The following ROR2 variants were observed in gnomAD, a reference collection of about 807,000 sequenced individuals.
ROR2 encodes ROR family WNT receptor 2.
In ROR2, 33 loss-of-function variants were observed where a neutral mutation model predicts 74.9. That is an observed-to-expected ratio of 0.44 (90% CI 0.33 to 0.59). The LOEUF (loss-of-function observed/expected upper bound fraction) is 0.59, where lower values mean the gene tolerates loss of function less well. ROR2 is among the 20% of genes least tolerant of loss of function. The pLI, the probability that ROR2 is intolerant of heterozygous loss-of-function variation, is 0.02. For missense variants in ROR2, 1,216 were observed against 1,313.8 expected, an observed-to-expected ratio of 0.93 and a Z score of 1.15; for synonymous variants, 586 against 558.7, an observed-to-expected ratio of 1.05 and a Z score of -0.69.
intron 1 of ROR2, among the ~76,000 whole-genome samples, chr9:91,829,009 T>G (rs1187211890): frequency 6.6e-6 from 1 of 152,220 alleles, no homozygotes; most frequent in Non-Finnish European, 1.5e-5. Context: ...CTATTTTAAA[T>G]GGCTAAATGA....
At chr9:91,874,457 T>C (rs1248410315) in intron 1 of ROR2, among the ~76,000 whole-genome samples, 2 of 152,202 alleles carry the variant, frequency 1.3e-5, no homozygotes, top group Non-Finnish European at 2.9e-5. Context: ...CTAGAAAAAC[T>C]AAGTTGGCTT....
At chr9:91,756,396 G>A (rs919477361) in intron 3 of ROR2, among the ~76,000 whole-genome samples, 1 of 152,220 alleles carries the variant, frequency 6.6e-6, no homozygotes, top group African/African-American at 2.4e-5. Context: ...ATGATCGGAT[G>A]GCGTGGGCTT....
intron 4 of ROR2, among the ~76,000 whole-genome samples, chr9:91,749,193 A>G (rs1321287575): frequency 6.6e-6 from 1 of 152,218 alleles, no homozygotes; most frequent in Non-Finnish European, 1.5e-5. Context: ...AAATAACAGG[A>G]AAGATAATTT....
chr9:91,874,883 T>C (rs62565674), intron 1 of ROR2, among the ~76,000 whole-genome samples: 38,111 of 150,642 alleles, frequency 0.25, 5,206 homozygotes, highest in Admixed American at 0.42. Flanking sequence ...TGCAGTGAGC[T>C]GAGATCGCCA....
At chr9:91,821,496 G>A (rs1369298834) in intron 1 of ROR2, among the ~76,000 whole-genome samples, 1 of 152,002 alleles carries the variant, frequency 6.6e-6, no homozygotes, top group Non-Finnish European at 1.5e-5. Context: ...TGCTCCCTCA[G>A]CAACACCTGC....
intron 1 of ROR2, among the ~76,000 whole-genome samples, chr9:91,788,541 GAA>G (rs535562671): frequency 7.1e-6 from 1 of 141,688 alleles, no homozygotes; most frequent in Non-Finnish European, 1.5e-5. Context: ...TAGTGTTGGG[GAA>G]AAAAAAAAAA....
At chr9:91,763,857 C>T (rs886435265) in intron 2 of ROR2, among the ~76,000 whole-genome samples, 6 of 152,170 alleles carry the variant, frequency 3.9e-5, no homozygotes, top group Admixed American at 3.9e-4. Context: ...TGTCACAGAA[C>T]ATGGTCTGTG....
chr9:91,852,249 C>A (rs1235258773), intron 1 of ROR2, among the ~76,000 whole-genome samples: 5 of 151,696 alleles, frequency 3.3e-5, no homozygotes, highest in Non-Finnish European at 7.3e-5. Context: ...GAGTCCCTTG[C>A]ATTTTCTAAA....
rs1824902892 is a variant in ROR2 at position 91,733,490 on chromosome 9, A to G, written c.623-54T>C. On this transcript the variant is annotated intron_variant, in intron 5 of 8. Coordinates refer to ENST00000375708, the MANE Select transcript of ROR2 (RefSeq NM_004560.4). The surrounding 1 kb of genome is among the most constrained non-coding windows in gnomAD (Gnocchi z 5.7). ...GGGGGACCCACCTTGCGCCCTTGAC[A>G]TTCATCCAGTCCCCACCCCCAGCCT... 4.5e-6 allele frequency: 7 copies of G among 1,552,240 alleles called. No individual in the cohort carries two copies. Among genetic ancestry groups the G allele is most frequent in the Non-Finnish European group, 6.1e-6 (7 of 1,149,610 alleles).
intron 1 of ROR2, among the ~76,000 whole-genome samples, chr9:91,792,665 C>A (rs1342127733): frequency 1.3e-5 from 2 of 152,076 alleles, no homozygotes; most frequent in Admixed American, 1.3e-4. Flanking sequence ...CAAGAGAAGA[C>A]TCAAATTATT....
chr9:91,744,213 CTTTTTTTTTT>C (rs1167780367), intron 4 of ROR2, among the ~76,000 whole-genome samples: 6 of 89,080 alleles, frequency 6.7e-5, no homozygotes, highest in Admixed American at 5.3e-4. Flanking sequence ...AATTTGTTAA[CTTTTTTTTTT>C]TTTTTTTTTT....
Position 91,730,914 on chromosome 9 carries a change from C to T in ROR2, c.1179G>A (p.Ser393=), listed in dbSNP as rs541919641. The change falls in exon 7 of 9, where the codon TCG becomes TCA. Residue 393 remains serine (S), a synonymous_variant. Transcript: ENST00000375708. Reference sequence around the variant, plus strand: ...AAAGAGAGAGAGAATACATACTACACGAGGGTACGTCACACAGTTCCATGC... The same window carrying T: ...AAAGAGAGAGAGAATACATACTACATGAGGGTACGTCACACAGTTCCATGC... ...NVRMELCDVP[S]CSPRDSSKMG... The T allele has an allele frequency of 3.5e-5, 57 of 1,614,162 alleles. No homozygotes were observed. In the East Asian group the frequency reaches 4.0e-4, roughly 11 times the overall value.
In ROR2 at chr9:91,924,770, G is replaced by A. The variant is rs557029054; in HGVS notation, c.97+25097C>T. On this transcript the variant is annotated intron_variant, in intron 1 of 8. Coordinates refer to ENST00000375708, the MANE Select transcript of ROR2 (RefSeq NM_004560.4). Reference sequence around the variant, plus strand: ...ATCACGCCAGCCTGGGCGACAGAGCGAGACTCCATCTAAAAAAAAAAAAAA... The same window carrying A: ...ATCACGCCAGCCTGGGCGACAGAGCAAGACTCCATCTAAAAAAAAAAAAAA... 5.7e-4 allele frequency among the ~76,000 whole-genome samples: 85 copies of A among 150,116 alleles called. 2 individuals are homozygous for A. The highest frequency in any genetic ancestry group is 4.7e-3 in the Admixed American group (70 of 14,908).
chr9:91,931,898 C>G (rs1362974774), intron 1 of ROR2, among the ~76,000 whole-genome samples: 1 of 152,094 alleles, frequency 6.6e-6, no homozygotes, highest in Non-Finnish European at 1.5e-5. Flanking sequence ...TAAAGTTTAT[C>G]TAGAAAAATA....
rs538705783 is a variant in ROR2, at chr9:91,815,947, A to G, written c.98-40129T>C. The stretch of plus-strand genomic sequence containing the variant: ...CCTGCCCCATGGGACCCTACTGGCC[A>G]CTCTCTACCTGCTCACGGTCACCCC... On this transcript the variant is annotated intron_variant, in intron 1 of 8. Transcript: ENST00000375708. 9.4e-4 allele frequency among the ~76,000 whole-genome samples: 143 copies of G among 152,008 alleles called. 1 individual carries two copies. The highest frequency in any genetic ancestry group is 2.8e-4 in the Non-Finnish European group (19 of 67,948).
At chr9:91,892,394 G>A (rs1314476206) in intron 1 of ROR2, among the ~76,000 whole-genome samples, 1 of 152,142 alleles carries the variant, frequency 6.6e-6, no homozygotes, top group Non-Finnish European at 1.5e-5. Flanking sequence ...CCTTGGGCAA[G>A]TCCCTTACCC....
chr9:91,911,333 T>C (rs1218100353), intron 1 of ROR2, among the ~76,000 whole-genome samples: 5 of 152,190 alleles, frequency 3.3e-5, no homozygotes, highest in Admixed American at 1.3e-4. Flanking sequence ...TGGTACAGCT[T>C]ACTACACACC....
At chr9:91,884,736 ATAACATGTCTCCATT>A (rs914235556) in intron 1 of ROR2, among the ~76,000 whole-genome samples, 12 of 152,140 alleles carry the variant, frequency 7.9e-5, no homozygotes, top group African/African-American at 2.9e-4. Flanking sequence ...TCCACAGACC[ATAACATGTCTCCATT>A]TCCAGTTTGG....
intron 4 of ROR2, among the ~76,000 whole-genome samples, chr9:91,745,310 A>T (rs1229544997): frequency 6.6e-6 from 1 of 151,712 alleles, no homozygotes; most frequent in Non-Finnish European, 1.5e-5. Context: ...TTTTTAGTAG[A>T]GACGGGGTTT....
Sources: gnomAD v4.1 joint callset for allele counts (sites outside exome capture counted in the v4.1 genomes callset) on GRCh38, gnomAD v4.1.1 for gene constraint, Gnocchi (gnomAD v3.1) non-coding constraint, MANE v1.5 for transcripts, NCBI Gene and HGNC (gene_info 2026-07-23, HGNC 2026-07-21) for gene names.